The following RADIL variants were observed in gnomAD, a reference collection of about 807,000 sequenced individuals.
RADIL encodes the protein Rap associating with DIL domain.
A neutral mutation model predicts 97.6 loss-of-function variants in RADIL; 99 were observed. The observed-to-expected ratio is 1.01, with a 90% confidence interval of 0.86 to 1.20. The LOEUF (loss-of-function observed/expected upper bound fraction) is 1.20, where lower values mean the gene tolerates loss of function less well. Among genes scored for constraint, RADIL ranks in the 50% most tolerant of loss-of-function variants. The probability of loss-of-function intolerance (pLI) is 0.00; values close to 1 mark genes in which losing one functional copy is unlikely to be tolerated. For missense variants in RADIL, 1,765 were observed against 1,498.9 expected (o/e 1.18, Z -2.93); for synonymous variants, 803 against 691.8 (o/e 1.16, Z -2.52).
Position 4,832,170 on chromosome 7 carries a change from G to C in RADIL, c.1425C>G (p.Thr475=). Reference sequence around the variant, plus strand: ...GCGCCTGCTTCTCTGCTAGTTCTTTGGTTTTCTCCTACAATTACAAAGCGG... The same window carrying C: ...GCGCCTGCTTCTCTGCTAGTTCTTTCGTTTTCTCCTACAATTACAAAGCGG... ...RLIRETVWEK[T]KELAEKQAQL... is the part of the protein sequence containing the mutation. The change falls in exon 5 of 15, where the codon ACC becomes ACG. Residue 475 remains threonine (T), a synonymous_variant. Transcript: ENST00000399583. 2 of 1,611,810 alleles carry C rather than the reference G, an allele frequency of 1.2e-6. No homozygotes were observed. The highest frequency in any genetic ancestry group is 1.7e-5 in the Admixed American group (1 of 59,752).
At chr7:4,836,257 C>T (rs2115003627) in intron 3 of RADIL, 101 bp downstream of exon 3, 6 of 1,505,796 alleles carry the variant, frequency 4.0e-6, no homozygotes, top group East Asian at 2.5e-5. Flanking sequence ...ACAGAGCTCG[C>T]GGCCGACTGG....
Position 4,808,238 on chromosome 7 carries a change from C to T in RADIL, c.2140-2522G>A, listed in dbSNP as rs557563622. Among the ~76,000 whole-genome samples the T allele has an allele frequency of 2.0e-5, 3 of 150,564 alleles. No individual in the cohort carries two copies. In the South Asian group the frequency reaches 6.4e-4, roughly 32 times the overall value. ...CATCCCTCCGCCCCCTCTCTCTCCCCGCTCCTCACCCTCCTCTCTGGAGGG... is the reference window on the plus strand; with the variant it reads ...CATCCCTCCGCCCCCTCTCTCTCCCTGCTCCTCACCCTCCTCTCTGGAGGG... On this transcript the variant is annotated intron_variant, in intron 9 of 14. Coordinates refer to ENST00000399583, the MANE Select transcript of RADIL (RefSeq NM_018059.5).
rs745609857 is a variant in RADIL, at chr7:4,817,339, G to A, written c.1628C>T (p.Ser543Leu). 13 of 1,611,564 alleles carry A rather than the reference G, an allele frequency of 8.1e-6. No homozygotes were observed. In the East Asian group the frequency reaches 1.6e-4, roughly 19 times the overall value. ...GGCCGTCAGCGTGCAGGAGAACAGC[G>A]ATTCCTTCGAGCCTGCCGGGAGACA... ...EQLDITGSKE[S>L]LFSCTLTASE... is the part of the protein sequence containing the mutation. The change falls in exon 7 of 15, where the codon TCG becomes TTG. Residue 543 changes from serine (S) to leucine (L), a missense_variant. Coordinates refer to ENST00000399583, the MANE Select transcript of RADIL (RefSeq NM_018059.5). The surrounding 1 kb of genome is among the most constrained non-coding windows in gnomAD (Gnocchi z 8.3).
chr7:4,871,521 C>T lies in RADIL; in HGVS notation c.535+6084G>A, dbSNP rs116508770. Among the ~76,000 whole-genome samples the T allele has an allele frequency of 1.8e-3, 280 of 152,316 alleles. 2 individuals are homozygous for T. Among genetic ancestry groups the T allele is most frequent in the African/African-American group, 6.3e-3 (263 of 41,564 alleles). ...ATGCAAACTCAGAGCTGGCACTCAG[C>T]GACAACACAGACCTGCCACCCGCCT... On this transcript the variant is annotated intron_variant, in intron 2 of 14. Transcript: ENST00000399583.
In RADIL at chr7:4,837,218, C is replaced by T. The variant is rs897018314; in HGVS notation, c.536-613G>A. Among the ~76,000 whole-genome samples the T allele has an allele frequency of 1.3e-5, 2 of 152,184 alleles. No homozygotes were observed. The highest frequency in any genetic ancestry group is 6.5e-5 in the Admixed American group (1 of 15,280). ...CCTGCAGCAGCCCAGGGTCACACCG[C>T]GGCCTGCCCGACCAGCCAGCACCAC... On this transcript the variant is annotated intron_variant, in intron 2 of 14. Transcript: ENST00000399583. This position sits in a 1 kb window ranked among gnomAD's most constrained non-coding sequence, Gnocchi z 5.6.
intron 2 of RADIL, among the ~76,000 whole-genome samples, chr7:4,851,681 G>A (rs905011248): frequency 1.3e-5 from 2 of 151,694 alleles, no homozygotes; most frequent in African/African-American, 4.9e-5. Flanking sequence ...AGTGTAGAAG[G>A]TGCTGCCTGG....
rs368303926 is a variant in RADIL, at chr7:4,832,114, C to G, written c.1454+27G>C. ...GCCCCCAGGACCTGCTGCCCAGAGG[C>G]GGGCACAATAACCGGGTCATACTCA... On this transcript the variant is annotated intron_variant, in intron 5 of 14. Transcript: ENST00000399583. 22 of 1,603,790 alleles carry G rather than the reference C, an allele frequency of 1.4e-5. No homozygotes were observed. In the East Asian group the frequency reaches 3.8e-4, roughly 28 times the overall value.
Position 4,805,315 on chromosome 7 carries a change from G to C in RADIL, c.2290+251C>G, listed in dbSNP as rs10266363. 4.4e-3 allele frequency: 1,920 copies of C among 437,564 alleles called. 31 individuals carry two copies. Among genetic ancestry groups the C allele is most frequent in the African/African-American group, 0.035 (1,758 of 50,880 alleles). The allele number at this position is 437,564 out of a possible 1,614,324, so 27.1% of individuals were successfully genotyped here. On this transcript the variant is annotated intron_variant, in intron 10 of 14. Coordinates refer to ENST00000399583, the MANE Select transcript of RADIL (RefSeq NM_018059.5). Reference sequence around the variant, plus strand: ...GAGGGAACGAGGGGGCCTTGGACCTGAGCCTGGAGTTTGGAACTTGGGCAT... The same window carrying C: ...GAGGGAACGAGGGGGCCTTGGACCTCAGCCTGGAGTTTGGAACTTGGGCAT...
intron 9 of RADIL, among the ~76,000 whole-genome samples, chr7:4,810,184 G>A (rs1241661733): frequency 6.6e-6 from 1 of 151,730 alleles, no homozygotes; most frequent in African/African-American, 2.4e-5. Flanking sequence ...TTAATTTTAT[G>A]ACAGGGTCTT....
In RADIL at chr7:4,862,091, G is replaced by T. The variant is rs996467973; in HGVS notation, c.535+15514C>A. 4 of 358,464 alleles carry T rather than the reference G, an allele frequency of 1.1e-5. No individual in the cohort carries two copies. In the South Asian group the frequency reaches 4.5e-4, roughly 40 times the overall value. The allele number at this position is 358,464 out of a possible 1,614,324, so 22.2% of individuals were successfully genotyped here. A position where few individuals can be genotyped will look rare whatever the true frequency, so the allele number is the denominator to read the frequency against. ...AGCGCGAGGGCTCACGGGAGCCACAGCGTTCTGGGCTGGGGCTCCTACCGC... is the reference window on the plus strand; with the variant it reads ...AGCGCGAGGGCTCACGGGAGCCACATCGTTCTGGGCTGGGGCTCCTACCGC... On this transcript the variant is annotated intron_variant, in intron 2 of 14. Coordinates refer to ENST00000399583, the MANE Select transcript of RADIL (RefSeq NM_018059.5).
rs773066473 is a variant in RADIL, at chr7:4,816,229, C to T, written c.1965G>A (p.Arg655=). 1.2e-5 allele frequency: 19 copies of T among 1,608,626 alleles called. No homozygotes were observed. Among genetic ancestry groups the T allele is most frequent in the Non-Finnish European group, 1.5e-5 (18 of 1,176,664 alleles). The change falls in exon 8 of 15, where the codon AGG becomes AGA. Residue 655 remains arginine (R), a splice_region_variant and synonymous_variant. Transcript: ENST00000399583. The part of the protein sequence containing the change: ...GTLLLNQLLD[R]GPSLSCFHWP... ...CTCAACCCTGCACGAGGCCCTCACC[C>T]CTGTCGAGGAGCTGGTTGAGAAGCA... is the stretch of plus-strand genomic sequence containing the variant.
rs2115184900 is a variant in RADIL, at chr7:4,814,152, G to T, written c.2139+1126C>A. ...TGCCTTCCAAAATCGCATTGCTTTTGCCTCCTCTAGATTTTATCCTCATGG... is the reference window on the plus strand; with the variant it reads ...TGCCTTCCAAAATCGCATTGCTTTTTCCTCCTCTAGATTTTATCCTCATGG... On this transcript the variant is annotated intron_variant, in intron 9 of 14. Coordinates refer to ENST00000399583, the MANE Select transcript of RADIL (RefSeq NM_018059.5). This position sits in a 1 kb window ranked among gnomAD's most constrained non-coding sequence, Gnocchi z 4.5. Among the ~76,000 whole-genome samples the T allele has an allele frequency of 6.6e-6, 1 of 152,218 alleles. No individual in the cohort carries two copies. The highest frequency in any genetic ancestry group is 1.9e-4 in the East Asian group (1 of 5,174).
At chr7:4,846,991 G>A (rs1332916668) in intron 2 of RADIL, among the ~76,000 whole-genome samples, 3 of 152,066 alleles carry the variant, frequency 2.0e-5, no homozygotes, top group African/African-American at 4.8e-5. Flanking sequence ...ACCAAAATAA[G>A]ATACCACTTC....
At chr7:4,808,467 C>T (rs1488458702) in intron 9 of RADIL, 3 of 522,258 alleles carry the variant, frequency 5.7e-6, no homozygotes, top group Non-Finnish European at 4.9e-6. Context: ...CTAGGGCCAG[C>T]GAGGCCTATT....
At chr7:4,828,492 A>G (rs139120964) in intron 5 of RADIL, among the ~76,000 whole-genome samples, 41 of 152,388 alleles carry the variant, frequency 2.7e-4, no homozygotes, top group Admixed American at 2.3e-3. Flanking sequence ...AGCACTCCAC[A>G]TTAACAGATT....
At chr7:4,841,427 T>C (rs1783436794) in intron 2 of RADIL, among the ~76,000 whole-genome samples, 1 of 152,212 alleles carries the variant, frequency 6.6e-6, no homozygotes, top group African/African-American at 2.4e-5. Context: ...TCCACAGCGG[T>C]TCCTTACAGG....
intron 14 of RADIL, 48 bp from the exon 15 acceptor site, chr7:4,799,531 G>C (rs1583252349): frequency 6.2e-7 from 1 of 1,613,032 alleles, no homozygotes; most frequent in East Asian, 2.2e-5. Context: ...CACCAGGGGA[G>C]ACCCACAGGG....
Position 4,878,971 on chromosome 7 carries a change from G to A in RADIL, c.-64-768C>T, listed in dbSNP as rs10281415. 0.19 allele frequency among the ~76,000 whole-genome samples: 28,551 copies of A among 152,202 alleles called. 5,076 individuals carry two copies. Among genetic ancestry groups the A allele is most frequent in the African/African-American group, 0.47 (19,591 of 41,490 alleles). ...AAACAGGCGAATCGCAGCCACGTTG[G>A]CAGAATAGACCATCAGACATTCCAG... On this transcript the variant is annotated intron_variant, in intron 1 of 14. Coordinates refer to ENST00000399583, the MANE Select transcript of RADIL (RefSeq NM_018059.5). This position sits in a 1 kb window ranked among gnomAD's most constrained non-coding sequence, Gnocchi z 4.1.
At chr7:4,852,743 A>G (rs1783739459) in intron 2 of RADIL, among the ~76,000 whole-genome samples, 1 of 152,116 alleles carries the variant, frequency 6.6e-6, no homozygotes. Context: ...GGGTTTCACC[A>G]TATTGGCCAG....
Sources: gnomAD v4.1 joint callset for allele counts (sites outside exome capture counted in the v4.1 genomes callset) on GRCh38, gnomAD v4.1.1 for gene constraint, Gnocchi (gnomAD v3.1) non-coding constraint, MANE v1.5 for transcripts, NCBI Gene and HGNC (gene_info 2026-07-23, HGNC 2026-07-21) for gene names.